The following MLLT3 variants were observed in gnomAD, a reference collection of about 807,000 sequenced individuals.
MLLT3 encodes protein AF-9.
MLLT3 carries 4 observed loss-of-function variants against 53.2 expected under a neutral mutation model. That is an observed-to-expected ratio of 0.08 (90% CI 0.04 to 0.17). The LOEUF (loss-of-function observed/expected upper bound fraction) is 0.17. Ranked by LOEUF, MLLT3 falls within the 10% of genes least tolerant of loss-of-function variation. The pLI, the probability that MLLT3 is intolerant of heterozygous loss-of-function variation, is 1.00. For missense variants in MLLT3, 569 were observed against 684.0 expected (o/e 0.83, Z 1.87); for synonymous variants, 283 against 230.6 (o/e 1.23, Z -2.06).
chr9:20,460,304 G>A (rs902492671), intron 2 of MLLT3, among the ~76,000 whole-genome samples: 2 of 152,096 alleles, frequency 1.3e-5, no homozygotes, highest in African/African-American at 4.8e-5. Flanking sequence ...GTCATAAAAG[G>A]CCAAGTTTCA....
At chr9:20,455,246 G>A (rs996493717) in intron 3 of MLLT3, among the ~76,000 whole-genome samples, 1 of 152,236 alleles carries the variant, frequency 6.6e-6, no homozygotes, top group East Asian at 1.9e-4. Flanking sequence ...GCAAAGAGTT[G>A]TTGCTAGAAG....
intron 5 of MLLT3, among the ~76,000 whole-genome samples, chr9:20,413,041 A>C (rs979838088): frequency 7.2e-5 from 11 of 152,308 alleles, no homozygotes; most frequent in Non-Finnish European, 1.0e-4. Flanking sequence ...ACCCATTAGC[A>C]AAAACTTGTA....
chr9:20,567,180 C>CAAA (rs35890145), intron 2 of MLLT3, among the ~76,000 whole-genome samples: 4 of 121,472 alleles, frequency 3.3e-5, no homozygotes, highest in Non-Finnish European at 5.2e-5. Context: ...CACTCAAAGT[C>CAAA]AAAAAAAAAA....
Position 20,345,079 on chromosome 9 carries a change from A to G in MLLT3, c.*1364T>C. 4.6e-6 allele frequency: 1 copy of G among 218,972 alleles called. No individual in the cohort carries two copies. The highest frequency in any genetic ancestry group is 9.2e-6 in the Non-Finnish European group (1 of 109,066). The allele number at this position is 218,972 out of a possible 1,614,324, so 13.6% of individuals were successfully genotyped here. On this transcript the variant is annotated 3_prime_UTR_variant, in exon 11 of 11. Transcript: ENST00000380338. ...AGTACTTTGGTTTTTTTCTTTTAAA[A>G]ATAATTTGCTTTCTTTTGCATGCCA...
intron 2 of MLLT3, among the ~76,000 whole-genome samples, chr9:20,518,025 A>G (rs1476799657): frequency 6.6e-6 from 1 of 152,168 alleles, no homozygotes; most frequent in Non-Finnish European, 1.5e-5. Context: ...ATATTCATGA[A>G]GCATAGTGCT....
At chr9:20,416,078 A>C (rs1326281921) in intron 4 of MLLT3, among the ~76,000 whole-genome samples, 1 of 152,042 alleles carries the variant, frequency 6.6e-6, no homozygotes, top group African/African-American at 2.4e-5. Flanking sequence ...GATAGGATTC[A>C]TATTACTAAA....
chr9:20,474,221 G>A (rs753457443), intron 2 of MLLT3, among the ~76,000 whole-genome samples: 3 of 151,920 alleles, frequency 2.0e-5, no homozygotes, highest in South Asian at 4.1e-4. Flanking sequence ...AGTAATTTTG[G>A]CTTAAAACCA....
Position 20,621,854 on chromosome 9 carries a change from GGC to G in MLLT3, c.12+389_12+390del. 7.3e-7 allele frequency: 1 copy of G among 1,371,812 alleles called. No individual in the cohort carries two copies. The highest frequency in any genetic ancestry group is 9.3e-7 in the Non-Finnish European group (1 of 1,070,422). 85.0% of individuals were successfully genotyped at this position (1,371,812 alleles called of 1,614,324 possible). On this transcript the variant is annotated intron_variant, in intron 1 of 10. Coordinates refer to ENST00000380338, the MANE Select transcript of MLLT3 (RefSeq NM_004529.4). The surrounding 1 kb of genome is among the most constrained non-coding windows in gnomAD (Gnocchi z 7.0). Reference sequence around the variant, plus strand: ...TCCCCGGACTGTGCCCGCAGCTCCCGGCGGCGGCGGCTGAAATATGGCTGAGT... The same window carrying G: ...TCCCCGGACTGTGCCCGCAGCTCCCGGGCGGCGGCTGAAATATGGCTGAGT...
chr9:20,524,068 G>A (rs894516385), intron 2 of MLLT3, among the ~76,000 whole-genome samples: 7 of 151,968 alleles, frequency 4.6e-5, no homozygotes, highest in Non-Finnish European at 1.0e-4. Flanking sequence ...AGAGCACAGT[G>A]GATTTTTTGG....
At chr9:20,435,583 T>C (rs1823380866) in intron 4 of MLLT3, among the ~76,000 whole-genome samples, 1 of 152,108 alleles carries the variant, frequency 6.6e-6, no homozygotes, top group African/African-American at 2.4e-5. Context: ...AGCTAAAAAA[T>C]GCCTCTTGGA....
At chr9:20,562,862 A>C (rs538970551) in intron 2 of MLLT3, among the ~76,000 whole-genome samples, 17 of 152,300 alleles carry the variant, frequency 1.1e-4, no homozygotes, top group African/African-American at 3.1e-4. Context: ...GACTGGCTTC[A>C]AGTCTTAACT....
At chr9:20,360,717 G>A (rs1178666766) in intron 8 of MLLT3, 25 bp downstream of exon 8, 2 of 1,580,850 alleles carry the variant, frequency 1.3e-6, no homozygotes, top group African/African-American at 1.3e-5. Flanking sequence ...GCAGAGTCTT[G>A]CAAAGTGCAA....
intron 4 of MLLT3, among the ~76,000 whole-genome samples, chr9:20,422,161 G>A (rs1823025580): frequency 1.3e-5 from 2 of 152,032 alleles, no homozygotes; most frequent in African/African-American, 4.8e-5. Context: ...AGAGTCTTTC[G>A]TTCAAAACAA....
At chr9:20,533,959 A>C (rs1212075360) in intron 2 of MLLT3, among the ~76,000 whole-genome samples, 2 of 152,166 alleles carry the variant, frequency 1.3e-5, no homozygotes, top group African/African-American at 4.8e-5. Flanking sequence ...TGGGGATCTC[A>C]TATATATAGC....
At chr9:20,586,243 C>T (rs1819957110) in intron 2 of MLLT3, among the ~76,000 whole-genome samples, 1 of 151,900 alleles carries the variant, frequency 6.6e-6, no homozygotes, top group South Asian at 2.1e-4. Flanking sequence ...CTGTTTGAGC[C>T]CAGATGGTCA....
intron 2 of MLLT3, among the ~76,000 whole-genome samples, chr9:20,504,011 C>A (rs1248066210): frequency 6.6e-6 from 1 of 152,184 alleles, no homozygotes; most frequent in South Asian, 2.1e-4. Context: ...GATATCACTT[C>A]ACACGTGCTA....
intron 2 of MLLT3, among the ~76,000 whole-genome samples, chr9:20,505,281 T>C (rs765151273): frequency 6.6e-6 from 1 of 152,172 alleles, no homozygotes; most frequent in Non-Finnish European, 1.5e-5. Flanking sequence ...TAAAACATCA[T>C]CCATAAATGG....
intron 2 of MLLT3, among the ~76,000 whole-genome samples, chr9:20,491,580 A>C (rs1321416281): frequency 6.6e-6 from 1 of 152,206 alleles, no homozygotes; most frequent in African/African-American, 2.4e-5. Flanking sequence ...CTCCTCAAAG[A>C]GTTACTGCTA....
intron 2 of MLLT3, among the ~76,000 whole-genome samples, chr9:20,470,972 A>C (rs1824375694): frequency 6.6e-6 from 1 of 152,028 alleles, no homozygotes; most frequent in African/African-American, 2.4e-5. Flanking sequence ...TGGAGATAAC[A>C]ATAAAGGTAT....
Sources: allele counts gnomAD v4.1 joint callset (sites outside exome capture counted in the v4.1 genomes callset), GRCh38; gene constraint gnomAD v4.1.1; non-coding constraint Gnocchi (gnomAD v3.1); transcripts MANE v1.5; gene names NCBI Gene and HGNC (gene_info 2026-07-23, HGNC 2026-07-21).